The following SPG11 variants were observed in gnomAD, a reference collection of about 807,000 sequenced individuals.
SPG11 encodes the protein spatacsin.
A neutral mutation model predicts 274.0 loss-of-function variants in SPG11; 222 were observed. That is an observed-to-expected ratio of 0.81 (90% CI 0.73 to 0.91). The LOEUF (loss-of-function observed/expected upper bound fraction) is 0.91, where lower values mean the gene tolerates loss of function less well. SPG11 is among the 40% of genes least tolerant of loss of function. The pLI is 0.00. For synonymous variants in SPG11, 1,144 were observed against 1,039.7 expected (o/e 1.10, Z -1.93); for missense variants, 3,114 against 2,872.7 (o/e 1.08, Z -1.92).
At chr15:44,609,895 A>ATTTT (rs771457335) in intron 18 of SPG11, among the ~76,000 whole-genome samples, 15 of 106,100 alleles carry the variant, frequency 1.4e-4, no homozygotes, top group Admixed American at 2.0e-4. Flanking sequence ...TGCCCAGCTA[A>ATTTT]TTTTTTTTTT....
At chr15:44,570,232 A>G (rs1178025723) in intron 34 of SPG11, among the ~76,000 whole-genome samples, 1 of 152,206 alleles carries the variant, frequency 6.6e-6, no homozygotes, top group Non-Finnish European at 1.5e-5. Flanking sequence ...GGAAAAATGC[A>G]GCTGTCTTAG....
At chr15:44,601,447 G>C (rs150070344) in intron 20 of SPG11, among the ~76,000 whole-genome samples, 1,787 of 151,804 alleles carry the variant, frequency 0.012, 9 homozygotes, top group Middle Eastern at 0.024. Flanking sequence ...TTTTGGTAGA[G>C]ATGAGATTTC....
rs542949395 is a variant in SPG11 at position 44,658,003 on chromosome 15, G to T, written c.668-707C>A. 1.2e-4 allele frequency among the ~76,000 whole-genome samples: 18 copies of T among 152,310 alleles called. No individual in the cohort carries two copies. The South Asian group carries it at 1.9e-3, about 16-fold the overall frequency. On this transcript the variant is annotated intron_variant, in intron 3 of 39. Coordinates refer to ENST00000261866, the MANE Select transcript of SPG11 (RefSeq NM_025137.4). ...GATCACGCCACTGCACTCCAGCCTGGGTGAGAGTGAGACCCTGTCTCAGGA... is the reference window on the plus strand; with the variant it reads ...GATCACGCCACTGCACTCCAGCCTGTGTGAGAGTGAGACCCTGTCTCAGGA...
chr15:44,589,757 C>T (rs12594924), intron 27 of SPG11, among the ~76,000 whole-genome samples: 6,912 of 152,274 alleles, frequency 0.045, 397 homozygotes, highest in African/African-American at 0.12. Flanking sequence ...ATTAATAGCC[C>T]TTTGAGTCAC....
chr15:44,635,537 T>C (rs924618162), intron 7 of SPG11, among the ~76,000 whole-genome samples: 1 of 136,260 alleles, frequency 7.3e-6, no homozygotes, highest in African/African-American at 2.8e-5. Context: ...GCCCAAGAAG[T>C]TGAGGCTGCA....
At chr15:44,605,567 A>T (rs1023591027) in intron 20 of SPG11, among the ~76,000 whole-genome samples, 8 of 152,228 alleles carry the variant, frequency 5.3e-5, no homozygotes, top group Non-Finnish European at 8.8e-5. Flanking sequence ...TGAATCTGGT[A>T]CTTAAATGCC....
intron 19 of SPG11, among the ~76,000 whole-genome samples, chr15:44,606,366 G>C (rs78573867): frequency 6.6e-6 from 1 of 152,240 alleles, no homozygotes; most frequent in African/African-American, 2.4e-5. Context: ...TTGGTAGAGG[G>C]AGCATCAACT....
intron 2 of SPG11, among the ~76,000 whole-genome samples, chr15:44,660,093 A>C (rs1030520263): frequency 1.3e-5 from 2 of 152,006 alleles, no homozygotes; most frequent in African/African-American, 4.8e-5. Flanking sequence ...AAATAAATAA[A>C]ATTTTCTGGT....
At chr15:44,574,758 T>C in intron 31 of SPG11, 144 bp downstream of exon 31, 1 of 1,042,642 alleles carries the variant, frequency 9.6e-7, no homozygotes, top group Non-Finnish European at 1.4e-6. Flanking sequence ...AAGATAAAAT[T>C]ATGAGGGCCA....
intron 28 of SPG11, among the ~76,000 whole-genome samples, chr15:44,586,898 C>G (rs1448083953): frequency 3.3e-5 from 5 of 152,188 alleles, no homozygotes; most frequent in Admixed American, 2.6e-4. Context: ...AGTTAAATCT[C>G]CAGCTGGCCA....
intron 6 of SPG11, 82 bp from the exon 7 acceptor site, chr15:44,649,093 A>G (rs2084688513): frequency 5.9e-6 from 6 of 1,008,818 alleles, no homozygotes; most frequent in Non-Finnish European, 9.3e-6. Flanking sequence ...TTAATTACTC[A>G]ATACTTCAGT....
intron 37 of SPG11, 65 bp from the exon 38 acceptor site, chr15:44,566,074 T>G: frequency 6.2e-7 from 1 of 1,603,528 alleles, no homozygotes; most frequent in Non-Finnish European, 8.5e-7. Context: ...GTGTGAACCC[T>G]CACAACGGTA....
At chr15:44,663,029 G>C (rs1318373549) in intron 1 of SPG11, among the ~76,000 whole-genome samples, 4 of 152,382 alleles carry the variant, frequency 2.6e-5, no homozygotes, top group Admixed American at 1.3e-4. Context: ...TTAACTGAAA[G>C]AAATGGGCAT....
chr15:44,596,482 T>A, intron 24 of SPG11, 127 bp from the exon 25 acceptor site: 1 of 1,125,308 alleles, frequency 8.9e-7, no homozygotes, highest in Admixed American at 2.0e-5. Flanking sequence ...GTGACTATTA[T>A]GTAATTTTAC....
At chr15:44,573,782 G>C in intron 31 of SPG11, 37 bp from the exon 32 acceptor site, 2 of 1,609,638 alleles carry the variant, frequency 1.2e-6, no homozygotes, top group Non-Finnish European at 1.7e-6. Flanking sequence ...GCCACTTTTA[G>C]AAGCCAGGAA....
intron 7 of SPG11, among the ~76,000 whole-genome samples, chr15:44,636,868 C>T (rs1027490687): frequency 1.5e-5 from 2 of 130,986 alleles, no homozygotes; most frequent in African/African-American, 6.0e-5. Flanking sequence ...AGGGGTTGCA[C>T]TGAGCAGAGA....
In SPG11 at chr15:44,615,382, C is replaced by T. The variant is rs2083566874; in HGVS notation, c.3019G>A (p.Val1007Ile). The stretch of plus-strand genomic sequence containing the variant: ...ACTCACTTGTAACAGTCAAGGTAGA[C>T]ATAAAGAAGATGCTGCAGACTGTGC... Reference protein sequence around the residue: ...LEHSLQHLLYVYLDCYKLSPE... With the variant: ...LEHSLQHLLYIYLDCYKLSPE... The change falls in exon 16 of 40, where the codon GTC becomes ATC. Residue 1007 changes from valine (V) to isoleucine (I), a missense_variant. Coordinates refer to ENST00000261866, the MANE Select transcript of SPG11 (RefSeq NM_025137.4). 3.1e-6 allele frequency: 5 copies of T among 1,613,696 alleles called. No individual in the cohort carries two copies. The Admixed American group carries it at 6.7e-5, about 22-fold the overall frequency.
intron 24 of SPG11, among the ~76,000 whole-genome samples, 156 bp downstream of exon 24, chr15:44,596,628 C>A (rs1181302823): frequency 1.3e-5 from 1 of 77,436 alleles, no homozygotes; most frequent in Non-Finnish European, 2.3e-5. Context: ...TCATATGAAA[C>A]AAAAGCCCAT....
At chr15:44,595,148 A>G in intron 26 of SPG11, 111 bp downstream of exon 26, 2 of 1,039,958 alleles carry the variant, frequency 1.9e-6, no homozygotes, top group Admixed American at 4.0e-5. Context: ...TATCATCATT[A>G]TCTGTTGTTG....
Sources: gnomAD v4.1 joint callset for allele counts (sites outside exome capture counted in the v4.1 genomes callset) on GRCh38, gnomAD v4.1.1 for gene constraint, MANE v1.5 for transcripts, NCBI Gene and HGNC (gene_info 2026-07-23, HGNC 2026-07-21) for gene names.